DNAH5: variants seen among roughly 807,000 people sequenced by gnomAD.
DNAH5 encodes dynein axonemal heavy chain 5.
Under a neutral mutation model 518.2 loss-of-function variants are expected in DNAH5, and 372 were observed. That is an observed-to-expected ratio of 0.72 (90% CI 0.66 to 0.78). The LOEUF is 0.78. Ranked by LOEUF, DNAH5 falls within the 30% of genes least tolerant of loss-of-function variation. DNAH5 has a pLI of 0.00. For synonymous variants in DNAH5, 2,039 were observed against 2,025.9 expected, an observed-to-expected ratio of 1.01 and a Z score of -0.17; for missense variants, 5,523 against 5,687.0, an observed-to-expected ratio of 0.97 and a Z score of 0.93.
chr5:13,947,228 T>C (rs565305469), upstream of DNAH5, among the ~76,000 whole-genome samples: 32 of 152,340 alleles, frequency 2.1e-4, no homozygotes, highest in Middle Eastern at 3.4e-3. Flanking sequence ...TCTGAATTGT[T>C]ACCTTTACGC....
Position 13,920,398 on chromosome 5 carries a change from T to C in DNAH5, c.798+82A>G, listed in dbSNP as rs977351505. ...ACAGTAAAACGCTTAACAAATGGAATGTCGTATGTCAATACACCTTCTTCC... is the reference window on the plus strand; with the variant it reads ...ACAGTAAAACGCTTAACAAATGGAACGTCGTATGTCAATACACCTTCTTCC... On this transcript the variant is annotated intron_variant, in intron 6 of 78. Transcript: ENST00000265104. 6 of 1,564,092 alleles carry C rather than the reference T, an allele frequency of 3.8e-6. No individual in the cohort carries two copies. In the African/African-American group the frequency reaches 8.1e-5, roughly 21 times the overall value.
At chr5:13,961,830 G>A (rs533919940) in intron 1 of DNAH5, among the ~76,000 whole-genome samples, 11 of 152,064 alleles carry the variant, frequency 7.2e-5, no homozygotes, top group African/African-American at 1.9e-4. Context: ...TTCCTCCTTC[G>A]AGAAGCCTGC....
chr5:13,998,305 A>G (rs1784108320), intron 1 of DNAH5, among the ~76,000 whole-genome samples: 1 of 152,176 alleles, frequency 6.6e-6, no homozygotes, highest in Non-Finnish European at 1.5e-5. Context: ...AGCCCTTTAT[A>G]AGGACATTAC....
At chr5:13,735,011 C>CTTTA in intron 68 of DNAH5, 120 bp downstream of exon 68, 1 of 854,532 alleles carries the variant, frequency 1.2e-6, no homozygotes, top group South Asian at 1.4e-5. Context: ...AATATCTCAT[C>CTTTA]TAAATGCAGT....
At chr5:13,907,429 C>T (rs1336267216) in intron 12 of DNAH5, among the ~76,000 whole-genome samples, 1 of 151,876 alleles carries the variant, frequency 6.6e-6, no homozygotes, top group Non-Finnish European at 1.5e-5. Context: ...ACTCTGTCCC[C>T]CCGCCACCCC....
chr5:13,999,234 C>A (rs1784175488), intron 1 of DNAH5, among the ~76,000 whole-genome samples: 1 of 152,322 alleles, frequency 6.6e-6, no homozygotes, highest in East Asian at 1.9e-4. Context: ...ATGAGATCTA[C>A]CCTTTCAACA....
intron 65 of DNAH5, 105 bp from the exon 66 acceptor site, chr5:13,737,600 T>A (rs1747716620): frequency 3.3e-6 from 4 of 1,199,390 alleles, no homozygotes; most frequent in Non-Finnish European, 3.6e-6. Context: ...CATACTGTAT[T>A]TATCATAATC....
rs1157133906 is a variant in DNAH5 at position 13,824,239 on chromosome 5, A to G, written c.6539T>C (p.Ile2180Thr). 1 of 1,613,864 alleles carries G rather than the reference A, an allele frequency of 6.2e-7. No individual in the cohort carries two copies. The highest frequency in any genetic ancestry group is 8.5e-7 in the Non-Finnish European group (1 of 1,179,786). The change falls in exon 39 of 79, where the codon ATT (isoleucine) becomes ACT (threonine). Residue 2180 changes from isoleucine (I) to threonine (T), a missense_variant. Ile to Thr is a moderately conservative substitution (Grantham distance 89, BLOSUM62 -1). Transcript: ENST00000265104. ...RANPMDTEST[I>T]VMRVLRDMNL... is the part of the protein sequence containing the mutation. ...CATGTCCCGTAGTACACGCATGACA[A>G]TCGTGGACTCCGTATCCATTGGATT...
chr5:13,884,936 A>T, intron 19 of DNAH5, 53 bp downstream of exon 19: 1 of 1,612,054 alleles, frequency 6.2e-7, no homozygotes, highest in Non-Finnish European at 8.5e-7. Flanking sequence ...ACACACACAT[A>T]CCCCAGCAAC....
intron 28 of DNAH5, 51 bp from the exon 29 acceptor site, chr5:13,862,798 C>CCTTA: frequency 1.4e-6 from 2 of 1,454,732 alleles, no homozygotes; most frequent in Middle Eastern, 4.0e-4. Flanking sequence ...ACACGTCCTT[C>CCTTA]CTTAATAGTC....
chr5:13,876,660 G>T (rs752204434), intron 22 of DNAH5, 24 bp downstream of exon 22: 1 of 1,609,822 alleles, frequency 6.2e-7, no homozygotes. Context: ...CAAAAGGTCC[G>T]GCTGCCAGAC....
At position 13,804,354 on chromosome 5, in the gene DNAH5, C is replaced by T. The variant is rs552005263; in HGVS notation, c.7887+3237G>A. On this transcript the variant is annotated intron_variant, in intron 47 of 78. Transcript: ENST00000265104. Reference sequence around the variant, plus strand: ...AACCTGTGAAGTAACAGATACGCGCCCTTCGTTGGACAGTGTGCCATCTTG... The same window carrying T: ...AACCTGTGAAGTAACAGATACGCGCTCTTCGTTGGACAGTGTGCCATCTTG... Among the ~76,000 whole-genome samples, 4 of 152,260 alleles carry T rather than the reference C, an allele frequency of 2.6e-5. No individual in the cohort carries two copies. In the East Asian group the frequency reaches 7.7e-4, roughly 29 times the overall value.
chr5:13,963,353 G>A (rs1401105349), intron 1 of DNAH5, among the ~76,000 whole-genome samples: 1 of 152,114 alleles, frequency 6.6e-6, no homozygotes, highest in Non-Finnish European at 1.5e-5. Flanking sequence ...CGAGGCGGGT[G>A]GACCACCTGA....
chr5:13,985,345 T>A (rs1263302188), intron 1 of DNAH5, among the ~76,000 whole-genome samples: 1 of 150,172 alleles, frequency 6.7e-6, no homozygotes, highest in Admixed American at 6.7e-5. Context: ...AGTTAATGGG[T>A]GCAGCACACC....
At chr5:13,735,403 T>C (rs887266220) in intron 67 of DNAH5, 82 bp from the exon 68 acceptor site, 1 of 1,349,396 alleles carries the variant, frequency 7.4e-7, no homozygotes, top group Non-Finnish European at 1.0e-6. Flanking sequence ...TAATGGAAAA[T>C]AAGTAACTTT....
Position 13,691,820 on chromosome 5 carries a change from A to T in DNAH5, c.*164T>A. The T allele has an allele frequency of 1.3e-6, 1 of 776,682 alleles. No homozygotes were observed. Among genetic ancestry groups the T allele is most frequent in the Non-Finnish European group, 2.1e-6 (1 of 487,340 alleles). The allele number at this position is 776,682 out of a possible 1,614,324, so 48.1% of individuals were successfully genotyped here. A position where few individuals can be genotyped will look rare whatever the true frequency, so the allele number is the denominator to read the frequency against. ...AGACATTGGTCACTAATGATGAAAC[A>T]AGTAAAATATAAGCATCCAATTAAG... On this transcript the variant is annotated 3_prime_UTR_variant, in exon 79 of 79. Transcript: ENST00000265104.
intron 1 of DNAH5, among the ~76,000 whole-genome samples, chr5:13,950,953 T>G (rs555639151): frequency 1.9e-4 from 29 of 152,280 alleles, no homozygotes; most frequent in African/African-American, 6.5e-4. Flanking sequence ...ACTTGTACTT[T>G]CAGAAATTCA....
At chr5:13,806,059 C>T (rs1759536551) in intron 47 of DNAH5, among the ~76,000 whole-genome samples, 1 of 152,130 alleles carries the variant, frequency 6.6e-6, no homozygotes, top group Non-Finnish European at 1.5e-5. Context: ...AATAATCACA[C>T]TCTGATCTGA....
chr5:13,902,164 G>T, intron 12 of DNAH5, 26 bp from the exon 13 acceptor site: 1 of 1,513,916 alleles, frequency 6.6e-7, no homozygotes, highest in South Asian at 1.1e-5. Context: ...ATCTGATGAT[G>T]AACAATAGAA....
Sources: gnomAD v4.1 joint callset for allele counts (sites outside exome capture counted in the v4.1 genomes callset) on GRCh38, gnomAD v4.1.1 for gene constraint, MANE v1.5 for transcripts, NCBI Gene and HGNC (gene_info 2026-07-23, HGNC 2026-07-21) for gene names.